DNAJB1: variants seen among roughly 807,000 people sequenced by gnomAD.
DNAJB1 encodes the protein DnaJ heat shock protein family (Hsp40) member B1, also known as dnaJ homolog subfamily B member 1.
Under a neutral mutation model 24.0 loss-of-function variants are expected in DNAJB1, and 14 were observed. That is an observed-to-expected ratio of 0.58 (90% CI 0.39 to 0.91). The LOEUF (loss-of-function observed/expected upper bound fraction) is 0.91, where lower values mean the gene tolerates loss of function less well. Among genes scored for constraint, DNAJB1 ranks in the 40% least tolerant of loss-of-function variants. DNAJB1 has a pLI of 0.00. For synonymous variants in DNAJB1, 262 were observed against 174.4 expected (o/e 1.50, Z -3.96); for missense variants, 517 against 458.1 (o/e 1.13, Z -1.17).
chr19:14,522,671 GACACACACACAGAC>G (rs1599385172), upstream of DNAJB1, among the ~76,000 whole-genome samples: 4 of 63,042 alleles, frequency 6.3e-5, no homozygotes, highest in Admixed American at 1.7e-4. Flanking sequence ...CACAAACACA[GACACACACACAGAC>G]ACACACACAC....
At chr19:14,517,761 G>A (rs1043029838) in intron 1 of DNAJB1, 14 of 187,810 alleles carry the variant, frequency 7.5e-5, no homozygotes, top group African/African-American at 2.6e-4. Flanking sequence ...CGGAGGCGCC[G>A]CCCCGCGGAC....
intron 1 of DNAJB1, among the ~76,000 whole-genome samples, chr19:14,538,203 A>G (rs1471839249): frequency 1.3e-5 from 2 of 152,182 alleles, no homozygotes; most frequent in Admixed American, 6.6e-5. Context: ...ATTCTTCTAG[A>G]ACCAGAGTGG....
chr19:14,522,796 G>A (rs1196143033), upstream of DNAJB1, among the ~76,000 whole-genome samples: 1 of 152,042 alleles, frequency 6.6e-6, no homozygotes, highest in African/African-American at 2.4e-5. Context: ...ATGCAAGTGA[G>A]TCTGAGGACA....
upstream of DNAJB1, chr19:14,529,334 C>T (rs1356102886): frequency 2.2e-6 from 1 of 446,010 alleles, no homozygotes; most frequent in Non-Finnish European, 4.2e-6. Context: ...GCGACGCCAT[C>T]AGGGGGCGTG....
intron 1 of DNAJB1, 66 bp from the exon 2 acceptor site, chr19:14,517,112 AG>A: frequency 2.0e-6 from 3 of 1,504,884 alleles, no homozygotes; most frequent in Non-Finnish European, 1.8e-6. Flanking sequence ...CTTCCCTTAC[AG>A]GGGGAAACAG....
At chr19:14,518,595 GC>G (rs2072322517), upstream of DNAJB1, among the ~76,000 whole-genome samples, 1 of 150,380 alleles carries the variant, frequency 6.6e-6, no homozygotes, top group African/African-American at 2.4e-5. Context: ...CTCCCGCTCC[GC>G]CCTCGGCAAC....
upstream of DNAJB1, chr19:14,530,294 G>A (rs2072583412): frequency 6.2e-6 from 1 of 160,214 alleles, no homozygotes; most frequent in African/African-American, 2.4e-5. Flanking sequence ...TCACCAAGGA[G>A]AAATCTTATA....
intron 1 of DNAJB1, among the ~76,000 whole-genome samples, chr19:14,548,111 C>T (rs1294559475): frequency 1.3e-5 from 2 of 151,872 alleles, no homozygotes; most frequent in Non-Finnish European, 2.9e-5. Context: ...TACAGGCGCC[C>T]ACCACCATGC....
chr19:14,529,890 A>ATT, upstream of DNAJB1: 1 of 854,406 alleles, frequency 1.2e-6, no homozygotes, highest in Non-Finnish European at 1.9e-6. Context: ...GCATGTGCGC[A>ATT]GGAAGTATTT....
chr19:14,520,909 C>T (rs917601781), upstream of DNAJB1, among the ~76,000 whole-genome samples: 2 of 151,998 alleles, frequency 1.3e-5, no homozygotes, highest in African/African-American at 4.8e-5. Flanking sequence ...AGGAGGATAG[C>T]TTGAGCCCAG....
In DNAJB1 at chr19:14,515,443, G is replaced by A. The variant is rs576846024; in HGVS notation, c.*497C>T. On this transcript the variant is annotated 3_prime_UTR_variant, in exon 3 of 3. Coordinates refer to ENST00000254322, the MANE Select transcript of DNAJB1 (RefSeq NM_006145.3). The stretch of plus-strand genomic sequence containing the variant: ...ATAGTTTAGGTTCTCAATTTGAGAT[G>A]GCCAAAGAGAAGACAGAATTCTCCA... 1.3e-5 allele frequency: 2 copies of A among 154,956 alleles called. No individual in the cohort carries two copies. Among genetic ancestry groups the A allele is most frequent in the South Asian group, 1.9e-4 (1 of 5,314 alleles). The allele number at this position is 154,956 out of a possible 1,614,324, so 9.6% of individuals were successfully genotyped here. A position where few individuals can be genotyped will look rare whatever the true frequency, so the allele number is the denominator to read the frequency against.
upstream of DNAJB1, among the ~76,000 whole-genome samples, chr19:14,520,663 G>A (rs946932415): frequency 3.9e-5 from 6 of 152,102 alleles, no homozygotes; most frequent in African/African-American, 1.4e-4. Flanking sequence ...GGGTCCTGAA[G>A]CAATTATGGG....
chr19:14,515,840 T>A lies in DNAJB1; in HGVS notation c.*100A>T. On this transcript the variant is annotated 3_prime_UTR_variant, in exon 3 of 3. Transcript: ENST00000254322. The stretch of plus-strand genomic sequence containing the variant: ...CATTCAGCAGTACGAAAGCCCTCCC[T>A]GGGCCCTCCCACCCTCTCATGGTCC... The A allele has an allele frequency of 2.9e-5, 31 of 1,069,374 alleles. No homozygotes were observed. Among genetic ancestry groups the A allele is most frequent in the African/African-American group, 4.8e-5 (3 of 62,240 alleles). 66.2% of individuals were successfully genotyped at this position (1,069,374 alleles called of 1,614,324 possible). A position where few individuals can be genotyped will look rare whatever the true frequency, so the allele number is the denominator to read the frequency against.
chr19:14,549,033 G>C lies in DNAJB1; in HGVS notation c.-214+1175C>G, dbSNP rs140928354. Reference sequence around the variant, plus strand: ...TTTCTTTGATTTTTTTTTTCCATCCGCTTAAAAAGGTAAAAACGTCATGTA... The same window carrying C: ...TTTCTTTGATTTTTTTTTTCCATCCCCTTAAAAAGGTAAAAACGTCATGTA... On this transcript the variant is annotated intron_variant, in intron 1 of 3. Transcript: ENST00000676982. Among the ~76,000 whole-genome samples, 640 of 151,386 alleles carry C rather than the reference G, an allele frequency of 4.2e-3. 8 individuals are homozygous for C. The highest frequency in any genetic ancestry group is 0.015 in the African/African-American group (606 of 41,300).
intron 1 of DNAJB1, among the ~76,000 whole-genome samples, chr19:14,546,931 CTGATCTG>C (rs1162327466): frequency 6.6e-6 from 1 of 152,160 alleles, no homozygotes; most frequent in Non-Finnish European, 1.5e-5. Flanking sequence ...CTCAAGTGAT[CTGATCTG>C]CCCGCCTTGG....
chr19:14,518,449 G>T (rs2072318675), upstream of DNAJB1: 8 of 987,520 alleles, frequency 8.1e-6, no homozygotes, highest in East Asian at 3.2e-5. Flanking sequence ...AGCTTCCAGA[G>T]CCCGCCAGCC....
intron 1 of DNAJB1, among the ~76,000 whole-genome samples, chr19:14,528,074 G>C (rs2072469628): frequency 1.3e-5 from 2 of 151,394 alleles, no homozygotes; most frequent in Non-Finnish European, 2.9e-5. Flanking sequence ...AGTAGAGACA[G>C]GGTTTCACCA....
chr19:14,518,718 G>C (rs1339500240), upstream of DNAJB1, among the ~76,000 whole-genome samples: 4 of 152,204 alleles, frequency 2.6e-5, no homozygotes, highest in Non-Finnish European at 5.9e-5. Flanking sequence ...CCTGCGTCCC[G>C]CCCTCCGCCT....
At chr19:14,553,806 C>G (rs1344593204), upstream of DNAJB1, among the ~76,000 whole-genome samples, 1 of 152,110 alleles carries the variant, frequency 6.6e-6, no homozygotes, top group Non-Finnish European at 1.5e-5. Flanking sequence ...GGAGCTCAGG[C>G]GATGAGTGCA....
Sources: gnomAD v4.1 joint callset for allele counts (sites outside exome capture counted in the v4.1 genomes callset) on GRCh38, gnomAD v4.1.1 for gene constraint, MANE v1.5 for transcripts, NCBI Gene and HGNC (gene_info 2026-07-23, HGNC 2026-07-21) for gene names.